Variants in RSPO4 observed in about 807,000 individuals in gnomAD.
RSPO4 encodes the protein R-spondin 4.
A neutral mutation model predicts 24.8 loss-of-function variants in RSPO4; 23 were observed. The observed-to-expected ratio is 0.93, with a 90% CI of 0.67 to 1.31. RSPO4 has a LOEUF of 1.31. Among genes scored for constraint, RSPO4 ranks in the 40% most tolerant of loss-of-function variants. RSPO4 has a pLI of 0.00. For synonymous variants in RSPO4, 141 were observed against 127.4 expected (o/e 1.11, Z -0.72); for missense variants, 333 against 316.5 (o/e 1.05, Z -0.39).
At chr20:983,493 A>C (rs867850123) in intron 1 of RSPO4, among the ~76,000 whole-genome samples, 1 of 152,094 alleles carries the variant, frequency 6.6e-6, no homozygotes, top group Non-Finnish European at 1.5e-5. Context: ...TCCTTTGCCT[A>C]CTTCTAGAGG....
chr20:968,234 A>G (rs1029239260), intron 1 of RSPO4, 96 bp from the exon 2 acceptor site: 37 of 1,144,424 alleles, frequency 3.2e-5, no homozygotes, highest in Non-Finnish European at 4.6e-5. Flanking sequence ...TGGGATAGTA[A>G]CTGGGCACAT....
At chr20:984,395 C>A (rs542010577) in intron 1 of RSPO4, among the ~76,000 whole-genome samples, 2 of 152,280 alleles carry the variant, frequency 1.3e-5, no homozygotes, top group East Asian at 1.9e-4. Context: ...AGACTTGGGG[C>A]CCCACTGCCA....
intron 1 of RSPO4, among the ~76,000 whole-genome samples, chr20:973,699 C>T (rs1197249694): frequency 6.6e-6 from 1 of 152,156 alleles, no homozygotes; most frequent in Non-Finnish European, 1.5e-5. Flanking sequence ...TGGTCTCGAC[C>T]TCCTGACCTC....
chr20:1,002,175 G>A lies in RSPO4; in HGVS notation c.-11C>T, dbSNP rs756348305. The A allele has an allele frequency of 2.6e-6, 4 of 1,532,608 alleles. No individual in the cohort carries two copies. The highest frequency in any genetic ancestry group is 3.5e-6 in the Non-Finnish European group (4 of 1,140,552). The allele number at this position is 1,532,608 out of a possible 1,614,324, so 94.9% of individuals were successfully genotyped here. ...GAGTGGCGCCCGCATCTGGGCAGCCGGATCCGGGCTGGCGCTCCCCAGGCG... is the reference window on the plus strand; with the variant it reads ...GAGTGGCGCCCGCATCTGGGCAGCCAGATCCGGGCTGGCGCTCCCCAGGCG... On this transcript the variant is annotated 5_prime_UTR_variant, in exon 1 of 5. Coordinates refer to ENST00000217260, the MANE Select transcript of RSPO4 (RefSeq NM_001029871.4). This position sits in a 1 kb window ranked among gnomAD's most constrained non-coding sequence, Gnocchi z 4.6.
intron 3 of RSPO4, among the ~76,000 whole-genome samples, chr20:964,741 CACAT>C (rs1178214896): frequency 6.7e-6 from 1 of 148,762 alleles, no homozygotes; most frequent in Non-Finnish European, 1.5e-5. Flanking sequence ...TACACACACA[CACAT>C]ATATATACAC....
intron 1 of RSPO4, 60 bp from the exon 2 acceptor site, chr20:968,198 TA>T: frequency 6.6e-7 from 1 of 1,508,376 alleles, no homozygotes; most frequent in South Asian, 1.1e-5. Flanking sequence ...TCAAACCATA[TA>T]TGCGAGCAGC....
At chr20:984,640 A>G (rs1292097465) in intron 1 of RSPO4, among the ~76,000 whole-genome samples, 2 of 152,206 alleles carry the variant, frequency 1.3e-5, no homozygotes, top group Non-Finnish European at 1.5e-5. Flanking sequence ...AGCATCTTCA[A>G]GGACCCTATT....
intron 1 of RSPO4, among the ~76,000 whole-genome samples, chr20:999,256 C>T (rs1439732206): frequency 6.6e-6 from 1 of 152,150 alleles, no homozygotes; most frequent in East Asian, 1.9e-4. Context: ...CTCAAGCTAT[C>T]CTCCCATCTT....
chr20:984,114 G>A (rs964711331), intron 1 of RSPO4, among the ~76,000 whole-genome samples: 1 of 151,954 alleles, frequency 6.6e-6, no homozygotes, highest in Admixed American at 6.6e-5. Flanking sequence ...GAGGCGGGTG[G>A]ATCATGAGGT....
intron 1 of RSPO4, among the ~76,000 whole-genome samples, chr20:975,020 C>G (rs1984520546): frequency 6.6e-6 from 1 of 152,194 alleles, no homozygotes; most frequent in Admixed American, 6.5e-5. Flanking sequence ...CTGACTGCCT[C>G]CCAGTCCTTC....
At chr20:999,502 G>A (rs1294274150) in intron 1 of RSPO4, among the ~76,000 whole-genome samples, 3 of 152,270 alleles carry the variant, frequency 2.0e-5, no homozygotes, top group East Asian at 3.9e-4. Flanking sequence ...GGCTATGGGC[G>A]GGGGACAGAG....
chr20:982,109 C>T (rs551960910), intron 1 of RSPO4, among the ~76,000 whole-genome samples: 3 of 152,258 alleles, frequency 2.0e-5, no homozygotes, highest in African/African-American at 4.8e-5. Context: ...CCTCATCATT[C>T]GGCAAGCTGT....
intron 1 of RSPO4, among the ~76,000 whole-genome samples, chr20:976,241 G>C (rs554769477): frequency 2.6e-5 from 4 of 152,220 alleles, no homozygotes; most frequent in Non-Finnish European, 5.9e-5. Flanking sequence ...ACACACAGTG[G>C]GACTGTCAAC....
At chr20:997,530 T>C (rs1221606616) in intron 1 of RSPO4, among the ~76,000 whole-genome samples, 1 of 152,200 alleles carries the variant, frequency 6.6e-6, no homozygotes, top group Admixed American at 6.5e-5. Context: ...CAGCCCTCAA[T>C]GTCCAGTCAT....
Position 998,750 on chromosome 20 carries a change from C to T in RSPO4, c.79+3336G>A, listed in dbSNP as rs1032439558. ...CCAGGGCTGCTCACCTGGGTATCTC[C>T]AAGGTCCCCAACACAGAGCCTGGCA... On this transcript the variant is annotated intron_variant, in intron 1 of 4. Coordinates refer to ENST00000217260, the MANE Select transcript of RSPO4 (RefSeq NM_001029871.4). Among the ~76,000 whole-genome samples the T allele has an allele frequency of 3.3e-5, 5 of 152,166 alleles. 1 individual carries two copies. In the East Asian group the frequency reaches 9.6e-4, roughly 29 times the overall value.
chr20:977,049 T>C (rs1984587724), intron 1 of RSPO4, among the ~76,000 whole-genome samples: 1 of 152,198 alleles, frequency 6.6e-6, no homozygotes. Flanking sequence ...TCAGCTGCCC[T>C]ATGTTATCAT....
chr20:984,607 G>A (rs1984841793), intron 1 of RSPO4, among the ~76,000 whole-genome samples: 1 of 152,182 alleles, frequency 6.6e-6, no homozygotes. Context: ...TCCTTGCCCA[G>A]TAATCACACC....
At chr20:965,704 G>C (rs983442371) in intron 3 of RSPO4, among the ~76,000 whole-genome samples, 1 of 152,158 alleles carries the variant, frequency 6.6e-6, no homozygotes, top group African/African-American at 2.4e-5. Flanking sequence ...TGAGCTGAAT[G>C]GTGTGGGTTT....
In RSPO4 at chr20:967,239, T is replaced by C. The variant is rs1256717285; in HGVS notation, c.344A>G (p.Lys115Arg). The C allele has an allele frequency of 6.2e-7, 1 of 1,614,214 alleles. No individual in the cohort carries two copies. Among genetic ancestry groups the C allele is most frequent in the Admixed American group, 1.7e-5 (1 of 60,030 alleles). The change falls in exon 3 of 5, where the codon AAG (lysine) becomes AGG (arginine). Residue 115 changes from lysine to arginine, a missense_variant. Coordinates refer to ENST00000217260, the MANE Select transcript of RSPO4 (RefSeq NM_001029871.4). ...IRCKRQFYLY[K>R]GKCLPTCPPG... ...CGGGCAGGTGGGCAGACACTTCCCC[T>C]TGTACAAGTAAAACTGCCTCTTGCA...
Sources: gnomAD v4.1 joint callset for allele counts (sites outside exome capture counted in the v4.1 genomes callset) on GRCh38, gnomAD v4.1.1 for gene constraint, Gnocchi (gnomAD v3.1) non-coding constraint, MANE v1.5 for transcripts, NCBI Gene and HGNC (gene_info 2026-07-23, HGNC 2026-07-21) for gene names.